The following VEPH1 variants were observed in gnomAD, a reference collection of about 807,000 sequenced individuals.
VEPH1 encodes ventricular zone expressed PH domain containing 1.
Under a neutral mutation model 85.2 loss-of-function variants are expected in VEPH1, and 80 were observed. The ratio of observed to expected loss-of-function variants is 0.94; its 90% CI spans 0.78 to 1.13. The LOEUF is 1.13. Ranked by LOEUF, VEPH1 falls within the 50% of genes most tolerant of loss-of-function variation. VEPH1 has a pLI of 0.00. For missense variants in VEPH1, 955 were observed against 980.5 expected (o/e 0.97, Z 0.35); for synonymous variants, 297 against 348.0 (o/e 0.85, Z 1.63).
intron 4 of VEPH1, among the ~76,000 whole-genome samples, chr3:157,434,484 A>G (rs1030984373): frequency 2.0e-5 from 3 of 151,852 alleles, no homozygotes; most frequent in African/African-American, 7.3e-5. Flanking sequence ...ATTAATTTTT[A>G]AATTTTTTGT....
At chr3:157,303,865 C>A in intron 11 of VEPH1, among the ~76,000 whole-genome samples, 1 of 151,926 alleles carries the variant, frequency 6.6e-6, no homozygotes, top group Admixed American at 6.6e-5. Flanking sequence ...TCCGCCCCCA[C>A]TGGGGTTCTG....
chr3:157,455,576 C>G (rs1400474657), intron 4 of VEPH1, among the ~76,000 whole-genome samples: 1 of 152,044 alleles, frequency 6.6e-6, no homozygotes, highest in Admixed American at 6.6e-5. Context: ...TCCCTTTTCC[C>G]ACCCTTCACC....
In VEPH1 at chr3:157,310,766, G is replaced by A. The variant is rs1315059459; in HGVS notation, c.2010+2855C>T. Among the ~76,000 whole-genome samples, 9 of 152,310 alleles carry A rather than the reference G, an allele frequency of 5.9e-5. No homozygotes were observed. The South Asian group carries it at 1.7e-3, about 28-fold the overall frequency. ...ATCATCATCATGGTAGAGGAAAAGA[G>A]AAATTGCAGAGAATAGTACACTGGC... On this transcript the variant is annotated intron_variant, in intron 11 of 13. Transcript: ENST00000362010.
chr3:157,271,248 G>A (rs1714513500), intron 12 of VEPH1, among the ~76,000 whole-genome samples: 1 of 152,148 alleles, frequency 6.6e-6, no homozygotes, highest in Non-Finnish European at 1.5e-5. Flanking sequence ...CCTTTAGAAA[G>A]GACTAAGAAA....
rs1207963741 is a variant in VEPH1, at chr3:157,460,189, A to G, written c.521T>C (p.Ile174Thr). 1 of 1,614,206 alleles carries G rather than the reference A, an allele frequency of 6.2e-7. No individual in the cohort carries two copies. Among genetic ancestry groups the G allele is most frequent in the Admixed American group, 1.7e-5 (1 of 60,020 alleles). ...ADHTEVIVKS[I>T]LQGNTMLLRV... ...CAACTTTCGCACCATACCTTGGAGTATGCTCTTTACTATAACTTCCGTGTG... is the reference window on the plus strand; with the variant it reads ...CAACTTTCGCACCATACCTTGGAGTGTGCTCTTTACTATAACTTCCGTGTG... Residue 174 changes from isoleucine (I) to threonine (T), a missense_variant, in exon 4 of 14, where the codon ATA (isoleucine) becomes ACA (threonine). Ile to Thr is a moderately conservative substitution (Grantham distance 89). Coordinates refer to ENST00000362010, the MANE Select transcript of VEPH1 (RefSeq NM_001167912.2).
At chr3:157,301,476 C>T (rs1323673867) in intron 11 of VEPH1, among the ~76,000 whole-genome samples, 1 of 152,178 alleles carries the variant, frequency 6.6e-6, no homozygotes, top group Non-Finnish European at 1.5e-5. Flanking sequence ...CTCATCTCTA[C>T]AATCCCCCCA....
At chr3:157,369,683 G>A (rs1371797092) in intron 7 of VEPH1, among the ~76,000 whole-genome samples, 1 of 152,150 alleles carries the variant, frequency 6.6e-6, no homozygotes, top group East Asian at 1.9e-4. Flanking sequence ...GGTAGATAGA[G>A]GGTTTGGGTT....
chr3:157,342,966 T>G (rs1448694350), intron 9 of VEPH1, among the ~76,000 whole-genome samples: 2 of 152,186 alleles, frequency 1.3e-5, no homozygotes, highest in Non-Finnish European at 2.9e-5. Context: ...ATAAAGATGT[T>G]TTTTGAAACC....
intron 9 of VEPH1, among the ~76,000 whole-genome samples, chr3:157,352,019 A>G (rs112830455): frequency 0.02 from 3,101 of 152,280 alleles, 98 homozygotes; most frequent in African/African-American, 0.072. Context: ...TAATGGTTGT[A>G]TGTTTGTTGC....
intron 7 of VEPH1, among the ~76,000 whole-genome samples, chr3:157,375,158 A>C (rs1260493835): frequency 1.3e-5 from 2 of 152,220 alleles, no homozygotes; most frequent in Non-Finnish European, 2.9e-5. Context: ...TAAACAAATC[A>C]GAGGGGAAAG....
In VEPH1 at chr3:157,352,043, C is replaced by T. The variant is rs189879840; in HGVS notation, c.1735+11321G>A. ...TATGTTTGTTGCATAATATAAACAC[C>T]TATTTTGATGAACTGGCTTTAGTGA... On this transcript the variant is annotated intron_variant, in intron 9 of 13. Coordinates refer to ENST00000362010, the MANE Select transcript of VEPH1 (RefSeq NM_001167912.2). Among the ~76,000 whole-genome samples the T allele has an allele frequency of 3.9e-5, 6 of 152,274 alleles. No homozygotes were observed. The East Asian group carries it at 7.7e-4, about 20-fold the overall frequency.
intron 11 of VEPH1, among the ~76,000 whole-genome samples, chr3:157,301,889 T>G (rs1408630008): frequency 6.6e-6 from 1 of 152,198 alleles, no homozygotes; most frequent in African/African-American, 2.4e-5. Flanking sequence ...ATTCCTGGCC[T>G]AAGTCACTTC....
intron 6 of VEPH1, chr3:157,413,614 C>T (rs1480599296): frequency 1.0e-6 from 1 of 985,208 alleles, no homozygotes; most frequent in East Asian, 1.1e-4. Context: ...CTTCCTAAAC[C>T]TTCCACATAA....
intron 11 of VEPH1, 23 bp from the exon 12 acceptor site, chr3:157,286,697 A>C (rs371931046): frequency 5.0e-6 from 8 of 1,589,912 alleles, no homozygotes; most frequent in Non-Finnish European, 6.0e-6. Flanking sequence ...CACAAAGCAC[A>C]AAGAACATAA....
intron 6 of VEPH1, among the ~76,000 whole-genome samples, chr3:157,410,286 T>G (rs555987729): frequency 4.3e-4 from 66 of 152,288 alleles, no homozygotes; most frequent in African/African-American, 1.5e-3. Context: ...GTCCCATGTT[T>G]CATTGTCTCC....
chr3:157,480,711 AGGTTGATTC>A (rs2109585622), intron 2 of VEPH1, among the ~76,000 whole-genome samples: 1 of 152,228 alleles, frequency 6.6e-6, no homozygotes, highest in Non-Finnish European at 1.5e-5. Flanking sequence ...ATGACCACCT[AGGTTGATTC>A]CATGTCTTTG....
chr3:157,453,163 A>G (rs573354668), intron 4 of VEPH1, among the ~76,000 whole-genome samples: 1 of 152,300 alleles, frequency 6.6e-6, no homozygotes, highest in African/African-American at 2.4e-5. Context: ...ACCAATCGCA[A>G]AAGTAAAACC....
At chr3:157,392,997 G>T (rs1474111766) in intron 6 of VEPH1, among the ~76,000 whole-genome samples, 3 of 152,220 alleles carry the variant, frequency 2.0e-5, no homozygotes, top group African/African-American at 7.2e-5. Context: ...TGGACCTGAT[G>T]TGAAGTTTTC....
intron 11 of VEPH1, among the ~76,000 whole-genome samples, 165 bp downstream of exon 11, chr3:157,313,456 A>G (rs1366513210): frequency 1.3e-5 from 2 of 152,206 alleles, no homozygotes; most frequent in African/African-American, 4.8e-5. Flanking sequence ...TCTATTCTGA[A>G]TCTACTATAC....
Sources: gnomAD v4.1 joint callset for allele counts (sites outside exome capture counted in the v4.1 genomes callset) on GRCh38, gnomAD v4.1.1 for gene constraint, MANE v1.5 for transcripts, NCBI Gene and HGNC (gene_info 2026-07-23, HGNC 2026-07-21) for gene names.